MOBP: variants seen among roughly 807,000 people sequenced by gnomAD.
MOBP encodes myelin associated oligodendrocyte basic protein, also known as myelin-associated oligodendrocyte basic protein.
In MOBP, 5 loss-of-function variants were observed where a neutral mutation model predicts 15.0. The ratio of observed to expected loss-of-function variants is 0.33; its 90% CI spans 0.17 to 0.70. MOBP has a LOEUF of 0.70. MOBP is among the 30% of genes least tolerant of loss of function. The pLI is 0.67. For synonymous variants in MOBP, 88 were observed against 99.0 expected, an observed-to-expected ratio of 0.89 and a Z score of 0.66; for missense variants, 188 against 257.8, an observed-to-expected ratio of 0.73 and a Z score of 1.85.
intron 4 of MOBP, among the ~76,000 whole-genome samples, chr3:39,512,584 T>A (rs2043133744): frequency 6.6e-6 from 1 of 152,244 alleles, no homozygotes; most frequent in Non-Finnish European, 1.5e-5. Flanking sequence ...AAAATGGTAT[T>A]GCTAATATCT....
chr3:39,521,906 G>A lies in MOBP; in HGVS notation c.*259-2337G>A, dbSNP rs182471635. Among the ~76,000 whole-genome samples the A allele has an allele frequency of 6.9e-4, 105 of 152,322 alleles. No individual in the cohort carries two copies. In the Middle Eastern group the frequency reaches 0.014, roughly 20 times the overall value. On this transcript the variant is annotated intron_variant and NMD_transcript_variant, in intron 3 of 4. Transcript: ENST00000424090. ...ATACCAAGAATCACAGGTACATTGCGCATAACCTGTGTTGACAAGTGCTCA... is the reference window on the plus strand; with the variant it reads ...ATACCAAGAATCACAGGTACATTGCACATAACCTGTGTTGACAAGTGCTCA...
At chr3:39,523,251 A>T (rs193209563) in intron 3 of MOBP, among the ~76,000 whole-genome samples, 1 of 152,370 alleles carries the variant, frequency 6.6e-6, no homozygotes, top group East Asian at 1.9e-4. Context: ...GGGTATTTCT[A>T]TATAGGATTA....
At position 39,502,880 on chromosome 3, in the gene MOBP, A is replaced by G; in HGVS notation, c.552A>G (p.Ter184=). Residue 184 remains the stop codon, a stop_retained_variant, in exon 4 of 4, where the codon TAA becomes TAG. Transcript: ENST00000684792. This position sits in a 1 kb window ranked among gnomAD's most constrained non-coding sequence, Gnocchi z 6.3. The part of the protein sequence containing the change: ...GSPVKASRFW[*] ...CCGTCAAAGCTTCTAGGTTCTGGTA[A>G]CACCATCTCTTCCCTTTTGTTCCCC... is the stretch of plus-strand genomic sequence containing the variant. The G allele has an allele frequency of 1.6e-6, 2 of 1,215,420 alleles. No homozygotes were observed. Among genetic ancestry groups the G allele is most frequent in the Non-Finnish European group, 2.3e-6 (2 of 882,786 alleles). 75.3% of individuals were successfully genotyped at this position (1,215,420 alleles called of 1,614,324 possible). A position where few individuals can be genotyped will look rare whatever the true frequency, so the allele number is the denominator to read the frequency against.
intron 2 of MOBP, among the ~76,000 whole-genome samples, chr3:39,480,756 G>A (rs995441604): frequency 2.0e-5 from 3 of 152,136 alleles, no homozygotes; most frequent in Admixed American, 2.0e-4. Flanking sequence ...TCTCCACTTA[G>A]GTGACTTTAC....
chr3:39,509,894 C>A (rs145627754), intron 4 of MOBP, among the ~76,000 whole-genome samples: 39 of 152,136 alleles, frequency 2.6e-4, no homozygotes, highest in African/African-American at 8.2e-4. Context: ...TTTAAGAAAT[C>A]TTTTTCTAAT....
chr3:39,528,073 C>T (rs2043352487), downstream of MOBP: 1 of 151,978 alleles, frequency 6.6e-6, no homozygotes, highest in East Asian at 1.9e-4. Flanking sequence ...TTAATGAAAA[C>T]AAGAAAAATT....
chr3:39,501,525 C>A (rs2042969743), intron 2 of MOBP, among the ~76,000 whole-genome samples: 1 of 152,152 alleles, frequency 6.6e-6, no homozygotes. Context: ...GTTCTTGAAC[C>A]TCCTGTACAC....
At chr3:39,496,199 C>CTTTTTTTTT (rs539988699) in intron 2 of MOBP, among the ~76,000 whole-genome samples, 6 of 144,376 alleles carry the variant, frequency 4.2e-5, no homozygotes, top group Non-Finnish European at 3.0e-5. Context: ...TCTTTTTTTT[C>CTTTTTTTTT]TTTTTTTTTT....
intron 4 of MOBP, chr3:39,513,258 T>G: frequency 1.4e-6 from 1 of 704,850 alleles, no homozygotes; most frequent in East Asian, 3.0e-5. Flanking sequence ...AAGAGAAGGA[T>G]TTTGCAGAAT....
chr3:39,498,769 C>G (rs1413131446), intron 2 of MOBP, among the ~76,000 whole-genome samples: 2 of 152,072 alleles, frequency 1.3e-5, no homozygotes, highest in African/African-American at 2.4e-5. Context: ...GATGCTGCCC[C>G]CTGCCGGACA....
intron 4 of MOBP, among the ~76,000 whole-genome samples, chr3:39,511,725 A>G (rs2043121909): frequency 6.6e-6 from 1 of 152,170 alleles, no homozygotes; most frequent in African/African-American, 2.4e-5. Flanking sequence ...TCAGGGTCAG[A>G]GAATCTTACA....
In MOBP at chr3:39,502,901, TC is replaced by T; in HGVS notation, c.*25del. The T allele has an allele frequency of 2.8e-6, 3 of 1,069,722 alleles. No homozygotes were observed. Among genetic ancestry groups the T allele is most frequent in the Non-Finnish European group, 4.0e-6 (3 of 756,600 alleles). The allele number at this position is 1,069,722 out of a possible 1,614,324, so 66.3% of individuals were successfully genotyped here. On this transcript the variant is annotated 3_prime_UTR_variant, in exon 4 of 4. Transcript: ENST00000684792. The surrounding 1 kb of genome is among the most constrained non-coding windows in gnomAD (Gnocchi z 6.3). ...GGTAACACCATCTCTTCCCTTTTGTTCCCCAGCCCTAAGGTTAGTAGTTGCT... is the reference window on the plus strand; with the variant it reads ...GGTAACACCATCTCTTCCCTTTTGTTCCCAGCCCTAAGGTTAGTAGTTGCT...
At chr3:39,505,957 C>T (rs930460928), downstream of MOBP, among the ~76,000 whole-genome samples, 1 of 152,156 alleles carries the variant, frequency 6.6e-6, no homozygotes, top group African/African-American at 2.4e-5. Flanking sequence ...TGTCCTGGCT[C>T]CACCAGCCCC....
downstream of MOBP, among the ~76,000 whole-genome samples, chr3:39,519,505 C>CT (rs3036572): frequency 4.5e-3 from 595 of 131,570 alleles, 6 homozygotes; most frequent in South Asian, 0.018. Context: ...TAAATGGCAT[C>CT]TTTTTTTTTT....
chr3:39,504,213 T>A (rs1030053250), downstream of MOBP, among the ~76,000 whole-genome samples: 1 of 152,234 alleles, frequency 6.6e-6, no homozygotes, highest in African/African-American at 2.4e-5. Flanking sequence ...TACCTAGTCA[T>A]TAACTGAGTC....
downstream of MOBP, among the ~76,000 whole-genome samples, chr3:39,516,441 G>A (rs1409617771): frequency 2.6e-5 from 4 of 152,128 alleles, no homozygotes; most frequent in Non-Finnish European, 5.9e-5. Context: ...GAAAAGGAGA[G>A]TATAGATTCT....
intron 2 of MOBP, among the ~76,000 whole-genome samples, chr3:39,496,431 C>T (rs2125649157): frequency 6.6e-6 from 1 of 151,984 alleles, no homozygotes; most frequent in East Asian, 1.9e-4. Context: ...GATCTCCTAA[C>T]CTCATGATCC....
downstream of MOBP, among the ~76,000 whole-genome samples, chr3:39,503,623 T>C (rs2125658210): frequency 6.6e-6 from 1 of 150,986 alleles, no homozygotes; most frequent in Admixed American, 6.6e-5. Flanking sequence ...ATTTCCTCTA[T>C]ATTCTTGCCC....
downstream of MOBP, chr3:39,528,962 C>T (rs116287432): frequency 7.7e-3 from 1,175 of 152,286 alleles, 8 homozygotes; most frequent in East Asian, 0.039. Flanking sequence ...TTCCTCTGTG[C>T]GGGGCTCTGC....
Sources: allele counts gnomAD v4.1 joint callset (sites outside exome capture counted in the v4.1 genomes callset), GRCh38; gene constraint gnomAD v4.1.1; non-coding constraint Gnocchi (gnomAD v3.1); transcripts MANE v1.5; gene names NCBI Gene and HGNC (gene_info 2026-07-23, HGNC 2026-07-21).